The following PIEZO1 variants were observed in gnomAD, a reference collection of about 807,000 sequenced individuals.
PIEZO1 encodes piezo type mechanosensitive ion channel component 1 (Er blood group), also known as piezo-type mechanosensitive ion channel component 1.
Under a neutral mutation model 297.2 loss-of-function variants are expected in PIEZO1, and 296 were observed. That is an observed-to-expected ratio of 1.00 (90% confidence interval 0.91 to 1.10). PIEZO1 has a LOEUF of 1.10. PIEZO1 is among the 50% of genes least tolerant of loss of function. The pLI, the probability that PIEZO1 is intolerant of heterozygous loss-of-function variation, is 0.00. For synonymous variants in PIEZO1, 2,427 were observed against 1,507.5 expected (o/e 1.61, Z -14.13); for missense variants, 5,018 against 3,455.5 (o/e 1.45, Z -11.34).
intron 27 of PIEZO1, chr16:88,725,975 C>T (rs934486724): frequency 3.9e-5 from 22 of 567,446 alleles, no homozygotes; most frequent in African/African-American, 5.6e-5. Context: ...CTGGGGCAGT[C>T]GTGACACCAC....
chr16:88,720,732 C>T lies in PIEZO1; in HGVS notation c.5685G>A (p.Glu1895=). The T allele has an allele frequency of 1.3e-6, 2 of 1,512,326 alleles. No homozygotes were observed. Among genetic ancestry groups the T allele is most frequent in the Non-Finnish European group, 1.8e-6 (2 of 1,131,024 alleles). 93.7% of individuals were successfully genotyped at this position (1,512,326 alleles called of 1,614,324 possible). ...CTTTCTCTTCCTCCCCCTCTTCTTC[C>T]TCCCTGTCCTCAGCTTCTGTAGGGA... ...GAAAIEAEDR[E]EEEGEEEKEA... Residue 1895 remains glutamate (E), a synonymous_variant, in exon 40 of 51, where the codon GAG becomes GAA. Coordinates refer to ENST00000301015, the MANE Select transcript of PIEZO1 (RefSeq NM_001142864.4).
chr16:88,748,359 T>C (rs1906177805), intron 2 of PIEZO1, among the ~76,000 whole-genome samples: 1 of 8,504 alleles, frequency 1.2e-4, no homozygotes, highest in African/African-American at 4.5e-4. Context: ...GAGGGTTTGC[T>C]GCTACCCTCG....
At position 88,715,858 on chromosome 16, in the gene PIEZO1, CG is replaced by C. The variant is rs1567655960; in HGVS notation, c.7317-5del. The C allele has an allele frequency of 1.3e-6, 2 of 1,549,294 alleles. No individual in the cohort carries two copies. Among genetic ancestry groups the C allele is most frequent in the Admixed American group, 3.9e-5 (2 of 50,986 alleles). On this transcript the variant is annotated splice_polypyrimidine_tract_variant and splice_region_variant and intron_variant, in intron 50 of 50. Coordinates refer to ENST00000301015, the MANE Select transcript of PIEZO1 (RefSeq NM_001142864.4). ...GGACACGTACAGCCCCATGATGCTG[CG>C]GGGGAAGCTGGTGAGTCCTGGGGCC...
intron 1 of PIEZO1, among the ~76,000 whole-genome samples, chr16:88,762,422 G>A (rs1050935827): frequency 5.9e-5 from 9 of 152,302 alleles, no homozygotes; most frequent in African/African-American, 1.9e-4. Context: ...CCCCATCTGA[G>A]CTGCAGGCAC....
chr16:88,776,585 G>A (rs2911459), intron 1 of PIEZO1, among the ~76,000 whole-genome samples: 308 of 152,332 alleles, frequency 2.0e-3, no homozygotes, highest in Middle Eastern at 6.8e-3. Context: ...AAGGGGAGAG[G>A]CTGTGTGCTC....
At position 88,726,785 on chromosome 16, in the gene PIEZO1, G is replaced by A. The variant is rs761971227; in HGVS notation, c.3629C>T (p.Ala1210Val). 61 of 1,550,086 alleles carry A rather than the reference G, an allele frequency of 3.9e-5. No homozygotes were observed. Among genetic ancestry groups the A allele is most frequent in the South Asian group, 8.3e-5 (7 of 84,066 alleles). The change falls in exon 25 of 51, where the codon GCC (alanine) becomes GTC (valine). Residue 1210 changes from alanine (A) to valine (V), a missense_variant. Transcript: ENST00000301015. ...GTALLQRDTR[A>V]RLVLWDCLIL... Reference sequence around the variant, plus strand: ...GAGGCAGTCCCACAGCACGAGGCGGGCCCGTGTGTCCCTCTGCAGCAGGGC... The same window carrying A: ...GAGGCAGTCCCACAGCACGAGGCGGACCCGTGTGTCCCTCTGCAGCAGGGC...
intron 44 of PIEZO1, chr16:88,718,076 C>G: frequency 8.2e-6 from 2 of 242,980 alleles, no homozygotes; most frequent in Non-Finnish European, 1.6e-5. Flanking sequence ...ATCTCAAAAG[C>G]CCAACTAAAC....
chr16:88,744,969 C>A (rs931484286), intron 2 of PIEZO1: 3 of 152,148 alleles, frequency 2.0e-5, no homozygotes, highest in Non-Finnish European at 4.4e-5. Flanking sequence ...GCCGAGGGGG[C>A]ACCCTGACAC....
intron 19 of PIEZO1, 110 bp from the exon 20 acceptor site, chr16:88,732,842 AG>A: frequency 8.8e-7 from 1 of 1,136,622 alleles, no homozygotes; most frequent in Non-Finnish European, 1.2e-6. Flanking sequence ...CTCCCCAGCC[AG>A]GGACACGGGG....
Position 88,738,425 on chromosome 16 carries a change from G to T in PIEZO1, c.650C>A (p.Ser217Ter). ...CAGCAGGTAGACACTGGAGAGGGCC[G>T]AGGGGTGGGCGATGCCTGCGGGGCA... Reference protein sequence around the residue: ...LLALAGIAHPSALSSVYLLLF... With the variant: ...LLALAGIAHP The change falls in exon 7 of 51, where the codon TCG (serine) becomes TAG (stop). Residue 217 changes from serine (S) to a stop codon, truncating the protein, a stop_gained. Coordinates refer to ENST00000301015, the MANE Select transcript of PIEZO1 (RefSeq NM_001142864.4). LOFTEE classifies it high-confidence loss of function. 1 of 1,535,772 alleles carries T rather than the reference G, an allele frequency of 6.5e-7. No individual in the cohort carries two copies. Among genetic ancestry groups the T allele is most frequent in the South Asian group, 1.2e-5 (1 of 84,060 alleles).
In PIEZO1 at chr16:88,736,622, C is replaced by A; in HGVS notation, c.1296+17G>T. 6.6e-7 allele frequency: 1 copy of A among 1,519,002 alleles called. No individual in the cohort carries two copies. The highest frequency in any genetic ancestry group is 8.8e-7 in the Non-Finnish European group (1 of 1,136,506). The allele number at this position is 1,519,002 out of a possible 1,614,324, so 94.1% of individuals were successfully genotyped here. A position where few individuals can be genotyped will look rare whatever the true frequency, so the allele number is the denominator to read the frequency against. Reference sequence around the variant, plus strand: ...CGGCAGAGGGGGCCGCCCACCCCAACCCCCACAGCCGCCTACCATCATGGC... The same window carrying A: ...CGGCAGAGGGGGCCGCCCACCCCAAACCCCACAGCCGCCTACCATCATGGC... On this transcript the variant is annotated intron_variant, in intron 11 of 50. Transcript: ENST00000301015.
Position 88,734,913 on chromosome 16 carries a change from A to G in PIEZO1, c.1810T>C (p.Tyr604His). Residue 604 changes from tyrosine to histidine, a missense_variant, in exon 14 of 51, where the codon TAC becomes CAC. Physicochemically the swap from Tyr to His is moderately conservative, Grantham distance 83. Transcript: ENST00000301015. ...AGRLVVYKIV[Y>H]MFLFLLCLTL... ...AGGCAGAGCAGGAAGAGGAACATGT[A>G]GACAATCTTGTAGACCACGAGGCGG... 1.3e-6 allele frequency: 2 copies of G among 1,550,398 alleles called. No individual in the cohort carries two copies. Among genetic ancestry groups the G allele is most frequent in the Non-Finnish European group, 1.7e-6 (2 of 1,146,962 alleles).
chr16:88,726,148 C>G, intron 27 of PIEZO1, 136 bp downstream of exon 27: 1 of 706,026 alleles, frequency 1.4e-6, no homozygotes, highest in Non-Finnish European at 2.3e-6. Flanking sequence ...CATTCTCCCT[C>G]TAGATGACAC....
chr16:88,753,476 G>A (rs1906503278), intron 1 of PIEZO1, among the ~76,000 whole-genome samples: 1 of 151,748 alleles, frequency 6.6e-6, no homozygotes, highest in Non-Finnish European at 1.5e-5. Flanking sequence ...GGGGGCTCAG[G>A]GTCACAGCCC....
chr16:88,768,021 C>G lies in PIEZO1; in HGVS notation c.64+16880G>C, dbSNP rs574962916. ...TTTCCCCCAGGCCCTCCAGAGGGGACCCCGTGGACCAGACCCCTTAAAGCA... is the reference window on the plus strand; with the variant it reads ...TTTCCCCCAGGCCCTCCAGAGGGGAGCCCGTGGACCAGACCCCTTAAAGCA... On this transcript the variant is annotated intron_variant, in intron 1 of 50. Coordinates refer to ENST00000301015, the MANE Select transcript of PIEZO1 (RefSeq NM_001142864.4). 3.2e-4 allele frequency among the ~76,000 whole-genome samples: 48 copies of G among 152,350 alleles called. 1 individual carries two copies. The East Asian group carries it at 7.9e-3, about 25-fold the overall frequency.
chr16:88,738,960 G>T, intron 5 of PIEZO1: 1 of 585,382 alleles, frequency 1.7e-6, no homozygotes. Context: ...GGCCTTCCTG[G>T]TAGCAGCTCC....
Position 88,722,924 on chromosome 16 carries a change from G to C in PIEZO1, c.4581C>G (p.Arg1527=), listed in dbSNP as rs1306990852. The change falls in exon 34 of 51, where the codon CGC becomes CGG. Residue 1527 remains arginine, a synonymous_variant. Coordinates refer to ENST00000301015, the MANE Select transcript of PIEZO1 (RefSeq NM_001142864.4). The part of the protein sequence containing the change: ...LGQALVDELT[R]WLQEFTRHHG... ...GGTGCCGGGTGAACTCCTGCAGCCAGCGTGTCAGCTCATCCACTAGCGCCT... is the reference window on the plus strand; with the variant it reads ...GGTGCCGGGTGAACTCCTGCAGCCACCGTGTCAGCTCATCCACTAGCGCCT... 4 of 1,549,412 alleles carry C rather than the reference G, an allele frequency of 2.6e-6. No homozygotes were observed. The highest frequency in any genetic ancestry group is 2.0e-5 in the Admixed American group (1 of 51,008).
At chr16:88,723,049 T>A (rs1362080876) in intron 33 of PIEZO1, 40 bp from the exon 34 acceptor site, 13 of 1,543,704 alleles carry the variant, frequency 8.4e-6, no homozygotes, top group Middle Eastern at 3.5e-4. Context: ...GGGCAGCCTG[T>A]GGGGCCAAGA....
chr16:88,725,234 T>G (rs1023509927), intron 29 of PIEZO1, among the ~76,000 whole-genome samples, 154 bp from the exon 30 acceptor site: 2 of 152,170 alleles, frequency 1.3e-5, no homozygotes, highest in Non-Finnish European at 2.9e-5. Flanking sequence ...TCAGAGCCCA[T>G]GTGCGTGGAC....
Sources: allele counts gnomAD v4.1 joint callset (sites outside exome capture counted in the v4.1 genomes callset), GRCh38; gene constraint gnomAD v4.1.1; transcripts MANE v1.5; gene names NCBI Gene and HGNC (gene_info 2026-07-23, HGNC 2026-07-21).